MEIS2: variants seen among roughly 807,000 people sequenced by gnomAD.
MEIS2 encodes homeobox protein Meis2.
A neutral mutation model predicts 58.6 loss-of-function variants in MEIS2; 9 were observed. That is an observed-to-expected ratio of 0.15 (90% CI 0.09 to 0.27). The LOEUF (loss-of-function observed/expected upper bound fraction) is 0.27. MEIS2 is among the 10% of genes least tolerant of loss of function. The pLI is 1.00. For missense variants in MEIS2, 427 were observed against 635.0 expected, an observed-to-expected ratio of 0.67 and a Z score of 3.52; for synonymous variants, 221 against 228.4, an observed-to-expected ratio of 0.97 and a Z score of 0.29.
chr15:36,953,169 C>A (rs1475723852), intron 8 of MEIS2, among the ~76,000 whole-genome samples: 4 of 152,168 alleles, frequency 2.6e-5, no homozygotes, highest in South Asian at 2.1e-4. Context: ...GGAATTGGAA[C>A]CATGACAATG....
intron 9 of MEIS2, among the ~76,000 whole-genome samples, chr15:36,939,514 G>A (rs1328001004): frequency 6.6e-6 from 1 of 151,316 alleles, no homozygotes. Context: ...CTATGGAAGA[G>A]TTTCTAGGAA....
At chr15:37,051,723 A>G (rs916071642) in intron 7 of MEIS2, among the ~76,000 whole-genome samples, 2 of 152,208 alleles carry the variant, frequency 1.3e-5, no homozygotes, top group African/African-American at 2.4e-5. Context: ...ACAGCATTCA[A>G]TACAGAGATG....
At chr15:37,083,933 A>G (rs1453079757) in intron 6 of MEIS2, 48 bp from the exon 7 acceptor site, 1 of 1,546,462 alleles carries the variant, frequency 6.5e-7, no homozygotes, top group South Asian at 1.1e-5. Flanking sequence ...CATTTCAGCC[A>G]TCAATGAAGA....
rs563900505 is a variant in MEIS2, at chr15:36,921,308, C to T, written c.978-24622G>A. Among the ~76,000 whole-genome samples, 146 of 152,216 alleles carry T rather than the reference C, an allele frequency of 9.6e-4. 1 individual carries two copies. The highest frequency in any genetic ancestry group is 3.9e-3 in the Admixed American group (60 of 15,282). Reference sequence around the variant, plus strand: ...AAGAAGCAGCATGGAAAAGAAAATGCGAAATGATCAGTTCCAATAGAACAT... The same window carrying T: ...AAGAAGCAGCATGGAAAAGAAAATGTGAAATGATCAGTTCCAATAGAACAT... On this transcript the variant is annotated intron_variant, in intron 9 of 11. Transcript: ENST00000561208.
intron 8 of MEIS2, among the ~76,000 whole-genome samples, chr15:37,033,655 T>C (rs948333432): frequency 6.6e-6 from 1 of 152,200 alleles, no homozygotes; most frequent in African/African-American, 2.4e-5. Context: ...AGAGCCAACA[T>C]TTCACTTTGA....
chr15:36,977,711 C>T (rs567382739), intron 8 of MEIS2, among the ~76,000 whole-genome samples: 7 of 152,124 alleles, frequency 4.6e-5, no homozygotes, highest in African/African-American at 1.7e-4. Context: ...AAAGCAGGAG[C>T]CTTTTATTTA....
At chr15:36,974,820 A>T (rs531826622) in intron 8 of MEIS2, among the ~76,000 whole-genome samples, 22 of 152,160 alleles carry the variant, frequency 1.4e-4, no homozygotes, top group Non-Finnish European at 3.2e-4. Context: ...AAAATAACTG[A>T]GTTTAGGATA....
intron 9 of MEIS2, among the ~76,000 whole-genome samples, chr15:36,911,817 A>G (rs1194509524): frequency 6.6e-6 from 1 of 152,162 alleles, no homozygotes; most frequent in Non-Finnish European, 1.5e-5. Flanking sequence ...ATTACCATGG[A>G]GTGCAAACAC....
intron 8 of MEIS2, among the ~76,000 whole-genome samples, chr15:36,964,495 A>G (rs1426570527): frequency 2.0e-5 from 3 of 152,326 alleles, no homozygotes; most frequent in South Asian, 2.1e-4. Flanking sequence ...AAGGGGAGGG[A>G]AAAATTCTGC....
At chr15:37,068,591 A>G (rs1337263399) in intron 7 of MEIS2, among the ~76,000 whole-genome samples, 2 of 152,212 alleles carry the variant, frequency 1.3e-5, no homozygotes, top group South Asian at 2.1e-4. Context: ...GAGCTGACCT[A>G]CAAAATAAGC....
At chr15:36,924,461 C>G (rs1176119434) in intron 9 of MEIS2, among the ~76,000 whole-genome samples, 1 of 152,106 alleles carries the variant, frequency 6.6e-6, no homozygotes, top group Non-Finnish European at 1.5e-5. Flanking sequence ...AGAACCAAAC[C>G]AAAGTTTAAA....
chr15:36,960,248 C>CT (rs902400308), intron 8 of MEIS2, among the ~76,000 whole-genome samples: 1,944 of 144,828 alleles, frequency 0.013, 45 homozygotes, highest in African/African-American at 0.046. Flanking sequence ...TGAGGGTTAT[C>CT]TTTTTTTTTT....
chr15:37,002,852 T>G (rs988076122), intron 8 of MEIS2, among the ~76,000 whole-genome samples: 19 of 152,338 alleles, frequency 1.2e-4, no homozygotes, highest in African/African-American at 3.4e-4. Context: ...TTTTATTCTT[T>G]TTATTTTATT....
At chr15:36,955,202 G>A (rs772942686) in intron 8 of MEIS2, among the ~76,000 whole-genome samples, 7 of 151,814 alleles carry the variant, frequency 4.6e-5, no homozygotes, top group South Asian at 2.1e-4. Context: ...ATATATTTTC[G>A]TGAATTTTGA....
At chr15:36,997,671 C>T (rs541415674) in intron 8 of MEIS2, among the ~76,000 whole-genome samples, 2 of 151,946 alleles carry the variant, frequency 1.3e-5, no homozygotes, top group East Asian at 3.9e-4. Context: ...TTACTAAAGA[C>T]GGGGTTTCGC....
chr15:37,040,416 C>A (rs574711314), intron 7 of MEIS2, among the ~76,000 whole-genome samples: 15 of 152,246 alleles, frequency 9.9e-5, no homozygotes, highest in Middle Eastern at 3.4e-3. Flanking sequence ...GGTGGGGCAA[C>A]TGCACACACT....
chr15:37,095,249 C>A (rs566305403), intron 4 of MEIS2, among the ~76,000 whole-genome samples: 1 of 151,878 alleles, frequency 6.6e-6, no homozygotes, highest in East Asian at 2.0e-4. Context: ...GCCGCCTGCC[C>A]CGGCAAACAG....
At chr15:37,028,320 T>A (rs1172295635) in intron 8 of MEIS2, among the ~76,000 whole-genome samples, 1 of 152,184 alleles carries the variant, frequency 6.6e-6, no homozygotes, top group East Asian at 1.9e-4. Flanking sequence ...ACAATGTCAC[T>A]CAGAACCATG....
At chr15:37,076,053 A>G (rs562721532) in intron 7 of MEIS2, among the ~76,000 whole-genome samples, 33 of 152,188 alleles carry the variant, frequency 2.2e-4, no homozygotes, top group Non-Finnish European at 7.4e-5. Context: ...AAGATAGTGA[A>G]TAACTCAAGA....
Sources: gnomAD v4.1 joint callset for allele counts (sites outside exome capture counted in the v4.1 genomes callset) on GRCh38, gnomAD v4.1.1 for gene constraint, MANE v1.5 for transcripts, NCBI Gene and HGNC (gene_info 2026-07-23, HGNC 2026-07-21) for gene names.